Variants in GCNT4 observed in about 807,000 individuals in gnomAD.
GCNT4 encodes beta-1,3-galactosyl-O-glycosyl-glycoprotein beta-1,6-N-acetylglucosaminyltransferase 4.
Under a neutral mutation model 31.3 loss-of-function variants are expected in GCNT4, and 17 were observed. The ratio of observed to expected loss-of-function variants is 0.54; its 90% CI spans 0.37 to 0.81. The LOEUF (loss-of-function observed/expected upper bound fraction) is 0.81, where lower values mean the gene tolerates loss of function less well. GCNT4 is among the 40% of genes least tolerant of loss of function. The pLI, the probability that GCNT4 is intolerant of heterozygous loss-of-function variation, is 0.00. For synonymous variants in GCNT4, 158 were observed against 190.6 expected, an observed-to-expected ratio of 0.83 and a Z score of 1.41; for missense variants, 503 against 525.5, an observed-to-expected ratio of 0.96 and a Z score of 0.42.
In GCNT4 at chr5:75,025,632, C is replaced by A. The variant is rs1414995646; in HGVS notation, c.*3044G>T. 6.6e-6 allele frequency: 1 copy of A among 152,024 alleles called. No individual in the cohort carries two copies. Among genetic ancestry groups the A allele is most frequent in the Non-Finnish European group, 1.5e-5 (1 of 68,010 alleles). The allele number at this position is 152,024 out of a possible 1,614,324, so 9.4% of individuals were successfully genotyped here. ...AAAGTGGATTATCATTTTTATTTTC[C>A]ATGAAATATGTCAAAATATATGCAA... On this transcript the variant is annotated 3_prime_UTR_variant, in exon 4 of 4. Transcript: ENST00000652361.
chr5:75,018,956 A>T, the GCNT4 span, among the ~76,000 whole-genome samples: 7 of 151,692 alleles, frequency 4.6e-5, no homozygotes, highest in Admixed American at 3.9e-4. Context: ...CTACATACTG[A>T]CTCCCCTGAG....
chr5:75,037,724 G>C (rs1447390186), intron 3 of GCNT4, among the ~76,000 whole-genome samples: 3 of 151,414 alleles, frequency 2.0e-5, no homozygotes, highest in Non-Finnish European at 4.4e-5. Flanking sequence ...TGAAAATACA[G>C]AAAATTAGCC....
chr5:75,043,348 A>G (rs1161107504), intron 3 of GCNT4, among the ~76,000 whole-genome samples: 2 of 152,238 alleles, frequency 1.3e-5, no homozygotes, highest in Admixed American at 1.3e-4. Flanking sequence ...GCTCTGGTAG[A>G]GAGCCAGTTG....
intron 3 of GCNT4, among the ~76,000 whole-genome samples, chr5:75,043,476 T>G (rs1561377577): frequency 6.6e-6 from 1 of 152,274 alleles, no homozygotes; most frequent in Non-Finnish European, 1.5e-5. Context: ...AAATATAATG[T>G]GGGATTTTGG....
intron 3 of GCNT4, among the ~76,000 whole-genome samples, chr5:75,037,029 A>G (rs1743214174): frequency 6.6e-6 from 1 of 152,222 alleles, no homozygotes; most frequent in Non-Finnish European, 1.5e-5. Context: ...GAAATAGGAT[A>G]TGAAGAGCTT....
At position 75,033,669 on chromosome 5, in the gene GCNT4, AT is replaced by A. The variant is rs202147908; in HGVS notation, c.-1-3632del. Among the ~76,000 whole-genome samples, 189 of 146,828 alleles carry A rather than the reference AT, an allele frequency of 1.3e-3. 2 individuals are homozygous for A. The East Asian group carries it at 0.03, about 24-fold the overall frequency. On this transcript the variant is annotated intron_variant, in intron 3 of 3. Coordinates refer to ENST00000652361, the MANE Select transcript of GCNT4 (RefSeq NM_001366737.1). ...CAGAAATCCCTTTATTTATTTATTT[AT>A]TTATTTTTTTTTTTTTACTTTAAGT... is the stretch of plus-strand genomic sequence containing the variant.
rs1416119518 is a variant in GCNT4, at chr5:75,026,243, A to G, written c.*2433T>C. ...CCAGGAGGCAAGACAGTGGATCAGG[A>G]GGTTATTTGTTTTTCAGCATTTACG... On this transcript the variant is annotated 3_prime_UTR_variant, in exon 4 of 4. Transcript: ENST00000652361. 1 of 152,180 alleles carries G rather than the reference A, an allele frequency of 6.6e-6. No individual in the cohort carries two copies. Among genetic ancestry groups the G allele is most frequent in the Non-Finnish European group, 1.5e-5 (1 of 68,042 alleles). The allele number at this position is 152,180 out of a possible 1,614,324, so 9.4% of individuals were successfully genotyped here.
At chr5:75,050,586 G>A (rs1051308925) in intron 2 of GCNT4, among the ~76,000 whole-genome samples, 3 of 152,086 alleles carry the variant, frequency 2.0e-5, no homozygotes, top group Non-Finnish European at 4.4e-5. Flanking sequence ...TGGCCACTAG[G>A]GAAGCCATTC....
chr5:75,022,657 G>C (rs73765639), downstream of GCNT4, among the ~76,000 whole-genome samples: 1,230 of 152,308 alleles, frequency 8.1e-3, 13 homozygotes, highest in African/African-American at 0.028. Flanking sequence ...TTGAAAACCA[G>C]TGTCCTAGAC....
the GCNT4 span, among the ~76,000 whole-genome samples, chr5:75,018,941 T>C: frequency 6.6e-6 from 1 of 151,808 alleles, no homozygotes; most frequent in African/African-American, 2.4e-5. Context: ...GTGCAGAGGG[T>C]GGTCCTACAT....
Position 75,027,315 on chromosome 5 carries a change from T to A in GCNT4, c.*1361A>T, listed in dbSNP as rs1389752219. On this transcript the variant is annotated 3_prime_UTR_variant, in exon 4 of 4. Transcript: ENST00000652361. ...ATTTATATATATATAATTATATGTA[T>A]ATATAATATATATTCATATACAATA... The A allele has an allele frequency of 1.8e-5, 1 of 55,950 alleles. No individual in the cohort carries two copies. Among genetic ancestry groups the A allele is most frequent in the Non-Finnish European group, 2.9e-5 (1 of 34,084 alleles). 3.5% of individuals were successfully genotyped at this position (55,950 alleles called of 1,614,324 possible).
intron 3 of GCNT4, among the ~76,000 whole-genome samples, chr5:75,041,253 C>A (rs73122599): frequency 0.057 from 8,731 of 151,866 alleles, 818 homozygotes; most frequent in African/African-American, 0.2. Flanking sequence ...ACAAACACAC[C>A]CTCACCCAGG....
rs1433317426 is a variant in GCNT4, at chr5:75,041,504, T to C, written c.-2+6393A>G. 3.9e-5 allele frequency among the ~76,000 whole-genome samples: 6 copies of C among 152,344 alleles called. No homozygotes were observed. In the South Asian group the frequency reaches 1.0e-3, roughly 26 times the overall value. On this transcript the variant is annotated intron_variant, in intron 3 of 3. Transcript: ENST00000652361. ...AGGAAAACACTGAGCATGAAAATAATTCTATCAACCACCTCTATAGATTAT... is the reference window on the plus strand; with the variant it reads ...AGGAAAACACTGAGCATGAAAATAACTCTATCAACCACCTCTATAGATTAT...
chr5:75,017,449 C>T, the GCNT4 span: 1 of 152,194 alleles, frequency 6.6e-6, no homozygotes, highest in East Asian at 1.9e-4. Flanking sequence ...CAGATGTGGG[C>T]TTCTACTCTT....
chr5:75,047,799 T>C (rs1008643492), intron 3 of GCNT4, 98 bp downstream of exon 3: 1 of 152,062 alleles, frequency 6.6e-6, no homozygotes, highest in African/African-American at 2.4e-5. Flanking sequence ...GGGAGGTAGG[T>C]AAAGCAGAGA....
At chr5:75,053,302 G>A (rs996310153), upstream of GCNT4, among the ~76,000 whole-genome samples, 5 of 151,992 alleles carry the variant, frequency 3.3e-5, no homozygotes, top group Non-Finnish European at 5.9e-5. Context: ...GCGGAGAGAG[G>A]CCGGGGTTCA....
chr5:75,044,369 T>C (rs1054621049), intron 3 of GCNT4, among the ~76,000 whole-genome samples: 3 of 151,586 alleles, frequency 2.0e-5, no homozygotes, highest in Non-Finnish European at 4.4e-5. Context: ...TTTACTTCTG[T>C]GTACATCATA....
At chr5:75,022,879 A>C (rs933472141), downstream of GCNT4, among the ~76,000 whole-genome samples, 3 of 152,230 alleles carry the variant, frequency 2.0e-5, no homozygotes, top group Non-Finnish European at 4.4e-5. Context: ...TTCAGCTATA[A>C]CAAACATTCT....
chr5:75,043,220 A>T (rs945979615), intron 3 of GCNT4, among the ~76,000 whole-genome samples: 3 of 152,174 alleles, frequency 2.0e-5, no homozygotes, highest in African/African-American at 7.2e-5. Context: ...CAAAAACCAG[A>T]CTCTTCAGAT....
Sources: allele counts gnomAD v4.1 joint callset (sites outside exome capture counted in the v4.1 genomes callset), GRCh38; gene constraint gnomAD v4.1.1; transcripts MANE v1.5; gene names NCBI Gene and HGNC (gene_info 2026-07-23, HGNC 2026-07-21).